The following GARS1 variants were observed in gnomAD, a reference collection of about 807,000 sequenced individuals.
The protein encoded by GARS1 is glycine--tRNA ligase.
Under a neutral mutation model 86.4 loss-of-function variants are expected in GARS1, and 46 were observed. That is an observed-to-expected ratio of 0.53 (90% CI 0.42 to 0.68). The LOEUF is 0.68. Ranked by LOEUF, GARS1 falls within the 30% of genes least tolerant of loss-of-function variation. GARS1 has a pLI of 0.00. For missense variants in GARS1, 797 were observed against 915.6 expected, an observed-to-expected ratio of 0.87 and a Z score of 1.67; for synonymous variants, 342 against 329.8, an observed-to-expected ratio of 1.04 and a Z score of -0.40.
intron 12 of GARS1, among the ~76,000 whole-genome samples, chr7:30,624,826 AAAC>A (rs1179451345): frequency 1.3e-5 from 2 of 152,220 alleles, no homozygotes; most frequent in African/African-American, 4.8e-5. Flanking sequence ...ATTTATACTA[AAAC>A]AATATCAAAT....
At chr7:30,626,355 C>T (rs1783127450) in intron 13 of GARS1, 36 bp downstream of exon 13, 2 of 1,238,794 alleles carry the variant, frequency 1.6e-6, no homozygotes, top group African/African-American at 1.5e-5. Context: ...AAAGTCACTG[C>T]TCCTTAAAGC....
At chr7:30,595,293 A>T in intron 1 of GARS1, 150 bp downstream of exon 1, 1 of 806,464 alleles carries the variant, frequency 1.2e-6, no homozygotes, top group South Asian at 1.6e-5. Flanking sequence ...CGCCTCCCCC[A>T]CTTTGGTCCC....
intron 14 of GARS1, among the ~76,000 whole-genome samples, chr7:30,629,179 C>T (rs1783188782): frequency 6.6e-6 from 1 of 152,032 alleles, no homozygotes; most frequent in Non-Finnish European, 1.5e-5. Flanking sequence ...ACCCAGGGAT[C>T]TGGGGTTTTT....
chr7:30,628,657 T>C lies in GARS1; in HGVS notation c.1797T>C (p.Asp599=). 1 of 1,607,344 alleles carries C rather than the reference T, an allele frequency of 6.2e-7. No individual in the cohort carries two copies. Among genetic ancestry groups the C allele is most frequent in the East Asian group, 2.2e-5 (1 of 44,790 alleles). Residue 599 remains aspartate (D), a synonymous_variant, in exon 14 of 17, where the codon GAT becomes GAC. Coordinates refer to ENST00000389266, the MANE Select transcript of GARS1 (RefSeq NM_002047.4). Reference sequence around the variant, plus strand: ...ATACATTCCATGTACGAGAAGGAGATGAACAGAGAACAGTAAGTTGTTGTG... The same window carrying C: ...ATACATTCCATGTACGAGAAGGAGACGAACAGAGAACAGTAAGTTGTTGTG... ...FEHTFHVREG[D]EQRTFFSFPA...
Position 30,628,543 on chromosome 7 carries a change from TTCTA to T in GARS1, c.1700-13_1700-10del, listed in dbSNP as rs1019510379. On this transcript the variant is annotated splice_polypyrimidine_tract_variant and intron_variant, in intron 13 of 16. Coordinates refer to ENST00000389266, the MANE Select transcript of GARS1 (RefSeq NM_002047.4). ...GGTATTTGAGAGAATGTTATTGAAT[TTCTA>T]TCTCTTTTTCAGTGGAAGAAGTTGT... The T allele has an allele frequency of 2.6e-6, 4 of 1,540,998 alleles. No homozygotes were observed. Among genetic ancestry groups the T allele is most frequent in the Admixed American group, 1.7e-5 (1 of 59,838 alleles).
In GARS1 at chr7:30,601,046, T is replaced by C; in HGVS notation, c.428-13T>C. 6.2e-7 allele frequency: 1 copy of C among 1,613,566 alleles called. No homozygotes were observed. ...ACAAGGTAAAGTATGTGTTTTCCTCTCATATTCTATAGGTGTTAGTGGTCT... is the reference window on the plus strand; with the variant it reads ...ACAAGGTAAAGTATGTGTTTTCCTCCCATATTCTATAGGTGTTAGTGGTCT... On this transcript the variant is annotated splice_polypyrimidine_tract_variant and intron_variant, in intron 3 of 16. Transcript: ENST00000389266.
intron 1 of GARS1, chr7:30,596,009 GTTTAGAA>G: frequency 2.5e-6 from 1 of 402,610 alleles, no homozygotes; most frequent in Non-Finnish European, 5.0e-6. Context: ...CTGCCATAGA[GTTTAGAA>G]TTTAGAGATA....
rs1272746326 is a variant in GARS1 at position 30,603,049 on chromosome 7, A to T, written c.585A>T (p.Val195=). 1.2e-6 allele frequency: 2 copies of T among 1,613,422 alleles called. No homozygotes were observed. The highest frequency in any genetic ancestry group is 1.7e-6 in the Non-Finnish European group (2 of 1,179,542). Residue 195 remains valine, a synonymous_variant, in exon 5 of 17, where the codon GTA becomes GTT. Transcript: ENST00000389266. ...PEPVLKTSGH[V]DKFADFMVKD... is the part of the protein sequence containing the mutation. ...GTTAATTTAGGACCTCTGGCCATGT[A>T]GACAAATTTGCTGACTTCATGGTGA...
intron 6 of GARS1, among the ~76,000 whole-genome samples, chr7:30,604,319 C>A (rs913561391): frequency 6.6e-6 from 1 of 152,190 alleles, no homozygotes; most frequent in African/African-American, 2.4e-5. Flanking sequence ...ATTTCTCCAA[C>A]ACCATGTTTA....
chr7:30,605,591 C>T (rs769308097), intron 6 of GARS1, among the ~76,000 whole-genome samples: 1 of 152,156 alleles, frequency 6.6e-6, no homozygotes, highest in Non-Finnish European at 1.5e-5. Context: ...GAACATGGCT[C>T]ACTGCAGCCA....
intron 7 of GARS1, among the ~76,000 whole-genome samples, chr7:30,610,664 G>C (rs1290132321): frequency 6.6e-6 from 1 of 152,170 alleles, no homozygotes; most frequent in African/African-American, 2.4e-5. Flanking sequence ...CATAACCTGT[G>C]ACCCAGACAT....
chr7:30,623,455 A>G (rs996007343), intron 12 of GARS1, among the ~76,000 whole-genome samples: 1 of 152,194 alleles, frequency 6.6e-6, no homozygotes, highest in African/African-American at 2.4e-5. Context: ...TTTAGAGGCA[A>G]TATCTCAAAT....
intron 10 of GARS1, among the ~76,000 whole-genome samples, chr7:30,621,031 G>A (rs1009380967): frequency 2.7e-5 from 4 of 150,896 alleles, no homozygotes; most frequent in Non-Finnish European, 5.9e-5. Context: ...TGTGTACAGT[G>A]TGAATTATAT....
intron 6 of GARS1, among the ~76,000 whole-genome samples, chr7:30,604,042 C>T (rs1791434814): frequency 6.6e-6 from 1 of 151,904 alleles, no homozygotes; most frequent in Non-Finnish European, 1.5e-5. Context: ...TGCCTATAGG[C>T]CTAAAGTTTT....
rs546589054 is a variant in GARS1 at position 30,624,950 on chromosome 7, CT to C, written c.1614-1274del. On this transcript the variant is annotated intron_variant, in intron 12 of 16. Coordinates refer to ENST00000389266, the MANE Select transcript of GARS1 (RefSeq NM_002047.4). ...GGCTGTCTCCTTGTCAATTACAACT[CT>C]TTTTTTTTTGAGATGGAGTCTCACT... is the stretch of plus-strand genomic sequence containing the variant. Among the ~76,000 whole-genome samples, 18 of 149,228 alleles carry C rather than the reference CT, an allele frequency of 1.2e-4. No homozygotes were observed. The South Asian group carries it at 1.3e-3, about 11-fold the overall frequency.
Position 30,615,893 on chromosome 7 carries a change from C to T in GARS1, c.1032-3C>T. On this transcript the variant is annotated splice_region_variant and splice_polypyrimidine_tract_variant and intron_variant, in intron 8 of 16. Coordinates refer to ENST00000389266, the MANE Select transcript of GARS1 (RefSeq NM_002047.4). ...GGTTTATCGCTTACGTTTTTGCTTT[C>T]AGAGAATTCACAATGGCAGAAATTG... 6.2e-7 allele frequency: 1 copy of T among 1,613,818 alleles called. No individual in the cohort carries two copies. Among genetic ancestry groups the T allele is most frequent in the Non-Finnish European group, 8.5e-7 (1 of 1,179,924 alleles).
At chr7:30,628,786 A>T (rs1186303245) in intron 14 of GARS1, 117 bp downstream of exon 14, 2 of 654,604 alleles carry the variant, frequency 3.1e-6, no homozygotes, top group Non-Finnish European at 5.6e-6. Flanking sequence ...ACTATAATCT[A>T]GTGCTATTAA....
chr7:30,605,562 G>A (rs1423844565), intron 6 of GARS1, among the ~76,000 whole-genome samples: 2 of 152,150 alleles, frequency 1.3e-5, no homozygotes, highest in African/African-American at 2.4e-5. Context: ...CTGTAGCCCA[G>A]GCTGGAGTGG....
chr7:30,604,880 G>T (rs1791451677), intron 6 of GARS1, among the ~76,000 whole-genome samples: 1 of 152,166 alleles, frequency 6.6e-6, no homozygotes, highest in African/African-American at 2.4e-5. Flanking sequence ...ATATGTTTTT[G>T]ATCTTAACAG....
Sources: allele counts gnomAD v4.1 joint callset (sites outside exome capture counted in the v4.1 genomes callset), GRCh38; gene constraint gnomAD v4.1.1; transcripts MANE v1.5; gene names NCBI Gene and HGNC (gene_info 2026-07-23, HGNC 2026-07-21).